KANSL1: variants seen among roughly 807,000 people sequenced by gnomAD.
KANSL1 encodes the protein MLL1/MLL complex subunit KANSL1.
A neutral mutation model predicts 103.6 loss-of-function variants in KANSL1; 22 were observed. The ratio of observed to expected loss-of-function variants is 0.21; its 90% CI spans 0.15 to 0.30. The LOEUF is 0.30. Among genes scored for constraint, KANSL1 ranks in the 10% least tolerant of loss-of-function variants. KANSL1 has a pLI of 1.00. For synonymous variants in KANSL1, 600 were observed against 527.6 expected (o/e 1.14, Z -1.88); for missense variants, 1,337 against 1,399.8 (o/e 0.96, Z 0.72).
At chr17:46,177,527 A>G (rs2046580988) in intron 1 of KANSL1, among the ~76,000 whole-genome samples, 1 of 152,252 alleles carries the variant, frequency 6.6e-6, no homozygotes, top group Non-Finnish European at 1.5e-5. Flanking sequence ...TGGCAGAGCT[A>G]TATTTACTAA....
intron 2 of KANSL1, among the ~76,000 whole-genome samples, chr17:46,142,504 C>CCCAGCTA (rs1185582841): frequency 6.6e-6 from 1 of 152,126 alleles, no homozygotes; most frequent in East Asian, 1.9e-4. Flanking sequence ...CTCCTGTGGT[C>CCCAGCTA]CCAGCTACTT....
chr17:46,211,405 A>T (rs1052143856), intron 1 of KANSL1, among the ~76,000 whole-genome samples: 10 of 152,154 alleles, frequency 6.6e-5, no homozygotes, highest in Admixed American at 1.3e-4. Context: ...AGAAAATCTT[A>T]AAAAAAATCT....
intron 1 of KANSL1, among the ~76,000 whole-genome samples, chr17:46,218,864 T>C (rs78358711): frequency 6.6e-6 from 1 of 152,100 alleles, no homozygotes; most frequent in East Asian, 1.9e-4. Context: ...TTTACAGATA[T>C]AATACAAAAG....
At chr17:46,100,352 G>A (rs932172731) in intron 2 of KANSL1, among the ~76,000 whole-genome samples, 14 of 150,886 alleles carry the variant, frequency 9.3e-5, no homozygotes, top group African/African-American at 3.4e-4. Flanking sequence ...CAGGAGAATT[G>A]CTTGAATCCA....
chr17:46,187,964 TA>T (rs1326886291), intron 1 of KANSL1, among the ~76,000 whole-genome samples: 1 of 152,222 alleles, frequency 6.6e-6, no homozygotes, highest in Non-Finnish European at 1.5e-5. Context: ...AAATGCTTAA[TA>T]AAAAAAAATA....
chr17:46,030,518 G>GA lies in KANSL1; in HGVS notation c.*957dup, dbSNP rs1251771407. 6.6e-6 allele frequency: 1 copy of GA among 151,290 alleles called. No homozygotes were observed. The highest frequency in any genetic ancestry group is 2.4e-5 in the African/African-American group (1 of 41,076). 9.4% of individuals were successfully genotyped at this position (151,290 alleles called of 1,614,324 possible). A position where few individuals can be genotyped will look rare whatever the true frequency, so the allele number is the denominator to read the frequency against. On this transcript the variant is annotated 3_prime_UTR_variant, in exon 15 of 15. Transcript: ENST00000432791. ...AATGTTCCACAGGCAAGGGGAGCGT[G>GA]AAAGACCAAGAGTGGAACTAACACC... is the stretch of plus-strand genomic sequence containing the variant.
At chr17:46,173,120 C>A (rs1463099388) in intron 1 of KANSL1, among the ~76,000 whole-genome samples, 1 of 152,186 alleles carries the variant, frequency 6.6e-6, no homozygotes, top group African/African-American at 2.4e-5. Context: ...CTGGACAATA[C>A]CGACCTTCTT....
At chr17:46,205,100 A>G (rs1242235464) in intron 1 of KANSL1, among the ~76,000 whole-genome samples, 1 of 152,212 alleles carries the variant, frequency 6.6e-6, no homozygotes, top group Non-Finnish European at 1.5e-5. Flanking sequence ...ACTGCACTGA[A>G]GGTTATGGCC....
At chr17:46,069,248 G>A (rs1377392606) in intron 4 of KANSL1, among the ~76,000 whole-genome samples, 1 of 152,116 alleles carries the variant, frequency 6.6e-6, no homozygotes, top group Non-Finnish European at 1.5e-5. Flanking sequence ...CACTTGAACT[G>A]ACTCTGGGGC....
At chr17:46,101,128 C>T (rs1196548742) in intron 2 of KANSL1, among the ~76,000 whole-genome samples, 1 of 152,178 alleles carries the variant, frequency 6.6e-6, no homozygotes, top group African/African-American at 2.4e-5. Context: ...AAACTGAGAT[C>T]ATCCCAGAGC....
chr17:46,083,647 A>AC (rs1392705844), intron 3 of KANSL1, among the ~76,000 whole-genome samples: 1 of 152,050 alleles, frequency 6.6e-6, no homozygotes, highest in African/African-American at 2.4e-5. Flanking sequence ...CAATCCTCCC[A>AC]CCTCAGCCTC....
chr17:46,120,994 T>C (rs1212210223), intron 2 of KANSL1, among the ~76,000 whole-genome samples: 23 of 152,172 alleles, frequency 1.5e-4, no homozygotes, highest in Admixed American at 1.5e-3. Flanking sequence ...ATACCTTCCA[T>C]CCACTTGCTC....
At chr17:46,038,422 G>T in intron 10 of KANSL1, 116 bp downstream of exon 10, 1 of 1,096,698 alleles carries the variant, frequency 9.1e-7, no homozygotes, top group Non-Finnish European at 1.3e-6. Flanking sequence ...ATGATGAGCT[G>T]AGATCCTATA....
chr17:46,150,033 A>C, intron 2 of KANSL1, among the ~76,000 whole-genome samples: 1 of 151,208 alleles, frequency 6.6e-6, no homozygotes, highest in Non-Finnish European at 1.5e-5. Context: ...AAAATAAATA[A>C]ATAAATAAAA....
At chr17:46,143,307 A>C (rs2044518151) in intron 2 of KANSL1, among the ~76,000 whole-genome samples, 1 of 152,094 alleles carries the variant, frequency 6.6e-6, no homozygotes, top group African/African-American at 2.4e-5. Context: ...CAGCCTGGCC[A>C]ACATGGTGAA....
At chr17:46,209,861 C>T (rs866603432) in intron 1 of KANSL1, among the ~76,000 whole-genome samples, 35 of 152,156 alleles carry the variant, frequency 2.3e-4, no homozygotes, top group Non-Finnish European at 3.1e-4. Context: ...TATTAGCTGA[C>T]GGTCATATGA....
intron 1 of KANSL1, among the ~76,000 whole-genome samples, chr17:46,191,699 G>A (rs935792195): frequency 1.3e-5 from 2 of 152,170 alleles, no homozygotes; most frequent in Admixed American, 1.3e-4. Context: ...TCTCCAAAGC[G>A]AAAAGGAAAG....
intron 1 of KANSL1, among the ~76,000 whole-genome samples, chr17:46,207,879 G>A (rs2048025148): frequency 1.3e-5 from 2 of 152,342 alleles, no homozygotes; most frequent in African/African-American, 2.4e-5. Flanking sequence ...GGGAGGCTGA[G>A]GCGGGTGGAT....
intron 2 of KANSL1, among the ~76,000 whole-genome samples, chr17:46,125,070 GAGGGAGGGAGGGAGA>G (rs1567702636): frequency 1.3e-3 from 48 of 37,236 alleles, no homozygotes; most frequent in African/African-American, 3.2e-3. Context: ...AGGGAGGGAG[GAGGGAGGGAGGGAGA>G]GAGGGAGGGA....
Sources: allele counts gnomAD v4.1 joint callset (sites outside exome capture counted in the v4.1 genomes callset), GRCh38; gene constraint gnomAD v4.1.1; transcripts MANE v1.5; gene names NCBI Gene and HGNC (gene_info 2026-07-23, HGNC 2026-07-21).